The following SLC16A3 variants were observed in gnomAD, a reference collection of about 807,000 sequenced individuals.
The protein encoded by SLC16A3 is monocarboxylate transporter 4.
A neutral mutation model predicts 25.0 loss-of-function variants in SLC16A3; 22 were observed. The ratio of observed to expected loss-of-function variants is 0.88; its 90% CI spans 0.63 to 1.26. The LOEUF (loss-of-function observed/expected upper bound fraction) is 1.26. SLC16A3 is among the 50% of genes most tolerant of loss of function. The probability of loss-of-function intolerance (pLI) is 0.00; values close to 1 mark genes in which losing one functional copy is unlikely to be tolerated. For missense variants in SLC16A3, 731 were observed against 666.6 expected, an observed-to-expected ratio of 1.10 and a Z score of -1.06; for synonymous variants, 390 against 309.2, an observed-to-expected ratio of 1.26 and a Z score of -2.74.
At chr17:82,237,965 G>A (rs2050655577) in intron 4 of SLC16A3, 72 bp downstream of exon 4, 7 of 1,519,908 alleles carry the variant, frequency 4.6e-6, no homozygotes, top group Middle Eastern at 2.4e-4. Context: ...CGAGGGGGGG[G>A]ACGCGCACCC....
At chr17:82,231,331 G>A (rs1357109499) in intron 1 of SLC16A3, 1 of 152,114 alleles carries the variant, frequency 6.6e-6, no homozygotes, top group South Asian at 2.1e-4. Flanking sequence ...CGAGGGTGGA[G>A]TTTTGGGTTC....
In SLC16A3 at chr17:82,236,625, G is replaced by A. The variant is rs576367914; in HGVS notation, c.224-104G>A. 3 of 1,488,416 alleles carry A rather than the reference G, an allele frequency of 2.0e-6. No homozygotes were observed. In the East Asian group the frequency reaches 6.8e-5, roughly 34 times the overall value. 92.2% of individuals were successfully genotyped at this position (1,488,416 alleles called of 1,614,324 possible). A position where few individuals can be genotyped will look rare whatever the true frequency, so the allele number is the denominator to read the frequency against. On this transcript the variant is annotated intron_variant, in intron 2 of 4. Coordinates refer to ENST00000582743, the MANE Select transcript of SLC16A3 (RefSeq NM_004207.4). ...GCCCCTGGTGCCCCGCGGGGGGAGG[G>A]GTGGTGTGGGAAGGGGAGGCCGGCT...
Position 82,240,057 on chromosome 17 carries a change from G to C in SLC16A3, c.*1081G>C. The C allele has an allele frequency of 8.1e-7, 1 of 1,233,826 alleles. No homozygotes were observed. The highest frequency in any genetic ancestry group is 1.0e-6 in the Non-Finnish European group (1 of 987,904). 76.4% of individuals were successfully genotyped at this position (1,233,826 alleles called of 1,614,324 possible). On this transcript the variant is annotated 3_prime_UTR_variant, in exon 5 of 5. Transcript: ENST00000582743. Reference sequence around the variant, plus strand: ...GCAGCCGGAGAGATGCCATGTCCCTGCTCCTCTGCAATGAAAAGCAAGCGA... The same window carrying C: ...GCAGCCGGAGAGATGCCATGTCCCTCCTCCTCTGCAATGAAAAGCAAGCGA...
chr17:82,221,433 G>A (rs553732298), intron 1 of SLC16A3, among the ~76,000 whole-genome samples: 5 of 151,942 alleles, frequency 3.3e-5, no homozygotes, highest in African/African-American at 1.2e-4. Context: ...GTGTGGTGGT[G>A]GTGCTTGCCT....
chr17:82,232,918 C>CGGGT (rs1555787460), intron 1 of SLC16A3, among the ~76,000 whole-genome samples: 1 of 47,210 alleles, frequency 2.1e-5, no homozygotes, highest in Non-Finnish European at 4.7e-5. Flanking sequence ...TGGGGGGCGG[C>CGGGT]GGGGGGGGGG....
At position 82,239,005 on chromosome 17, in the gene SLC16A3, G is replaced by A. The variant is rs899206968; in HGVS notation, c.*29G>A. On this transcript the variant is annotated 3_prime_UTR_variant, in exon 5 of 5. Transcript: ENST00000582743. ...GCTGGGCGGGGCCGGCAGGCACAGG[G>A]AGGAGGTACAGAAGCCGGCAACGCT... 6.7e-7 allele frequency: 1 copy of A among 1,499,236 alleles called. No homozygotes were observed. The highest frequency in any genetic ancestry group is 2.2e-5 in the Admixed American group (1 of 45,054). The allele number at this position is 1,499,236 out of a possible 1,614,324, so 92.9% of individuals were successfully genotyped here.
rs1478926532 is a variant in SLC16A3 at position 82,237,442 on chromosome 17, G to A, written c.672G>A (p.Arg224=). ...GCCTGCTAGACCTGAGCGTCTTCCG[G>A]GACCGCGGCTTTGTGCTTTACGCCG... The part of the protein sequence containing the change: ...SRRLLDLSVF[R]DRGFVLYAVA... The change falls in exon 4 of 5, where the codon CGG becomes CGA. Residue 224 remains arginine (R), a synonymous_variant. Transcript: ENST00000582743. 4 of 1,594,754 alleles carry A rather than the reference G, an allele frequency of 2.5e-6. No individual in the cohort carries two copies. Among genetic ancestry groups the A allele is most frequent in the Non-Finnish European group, 3.4e-6 (4 of 1,172,482 alleles).
chr17:82,236,415 G>A (rs2050603166), intron 2 of SLC16A3, 184 bp downstream of exon 2: 5 of 658,286 alleles, frequency 7.6e-6, no homozygotes, highest in Non-Finnish European at 7.8e-6. Flanking sequence ...CCCAGGCAGG[G>A]CGCGAAGTCC....
intron 3 of SLC16A3, 31 bp from the exon 4 acceptor site, chr17:82,237,107 G>C (rs780188589): frequency 5.4e-6 from 8 of 1,485,882 alleles, no homozygotes; most frequent in Non-Finnish European, 7.2e-6. Flanking sequence ...GGCAGCCTTG[G>C]GGGGCTCTCA....
upstream of SLC16A3, among the ~76,000 whole-genome samples, chr17:82,226,833 C>A (rs2050425376): frequency 6.6e-6 from 1 of 152,270 alleles, no homozygotes; most frequent in Non-Finnish European, 1.5e-5. Context: ...TCTGTCCAGG[C>A]TCCGGGTGAG....
intron 2 of SLC16A3, 139 bp downstream of exon 2, chr17:82,236,370 C>T: frequency 1.2e-6 from 1 of 815,958 alleles, no homozygotes; most frequent in Non-Finnish European, 1.9e-6. Flanking sequence ...GGGCCAGGAT[C>T]CTGCTGGGCA....
intron 1 of SLC16A3, chr17:82,235,471 G>C: frequency 6.1e-6 from 1 of 163,998 alleles, no homozygotes; most frequent in South Asian, 1.5e-4. Flanking sequence ...TGGGCCCTTG[G>C]GGGCAGGAGA....
chr17:82,239,533 G>C lies in SLC16A3; in HGVS notation c.*557G>C, dbSNP rs183811963. On this transcript the variant is annotated 3_prime_UTR_variant, in exon 5 of 5. Coordinates refer to ENST00000582743, the MANE Select transcript of SLC16A3 (RefSeq NM_004207.4). Reference sequence around the variant, plus strand: ...TGCTGTGTGGCCTGTGTCCTGACTCGCACGTCTGCTGATGGCCTGGCTGTT... The same window carrying C: ...TGCTGTGTGGCCTGTGTCCTGACTCCCACGTCTGCTGATGGCCTGGCTGTT... The C allele has an allele frequency of 1.5e-4, 26 of 177,544 alleles. 1 individual carries two copies. Among genetic ancestry groups the C allele is most frequent in the African/African-American group, 5.2e-4 (22 of 42,580 alleles). 11.0% of individuals were successfully genotyped at this position (177,544 alleles called of 1,614,324 possible). A position where few individuals can be genotyped will look rare whatever the true frequency, so the allele number is the denominator to read the frequency against.
intron 4 of SLC16A3, 63 bp downstream of exon 4, chr17:82,237,956 G>A (rs893602609): frequency 5.2e-6 from 8 of 1,546,374 alleles, no homozygotes; most frequent in African/African-American, 1.4e-5. Flanking sequence ...CCCGCTTTGC[G>A]AGGGGGGGGA....
Position 82,239,512 on chromosome 17 carries a change from G to C in SLC16A3, c.*536G>C, listed in dbSNP as rs1267227869. On this transcript the variant is annotated 3_prime_UTR_variant, in exon 5 of 5. Coordinates refer to ENST00000582743, the MANE Select transcript of SLC16A3 (RefSeq NM_004207.4). The stretch of plus-strand genomic sequence containing the variant: ...TTTCCTAGGAGTATGTGGTTTTGCT[G>C]TGTGGCCTGTGTCCTGACTCGCACG... The C allele has an allele frequency of 1.2e-5, 2 of 172,420 alleles. No individual in the cohort carries two copies. The highest frequency in any genetic ancestry group is 4.7e-5 in the African/African-American group (2 of 42,288). 10.7% of individuals were successfully genotyped at this position (172,420 alleles called of 1,614,324 possible). A position where few individuals can be genotyped will look rare whatever the true frequency, so the allele number is the denominator to read the frequency against.
chr17:82,238,574 C>T (rs114465737), intron 4 of SLC16A3, 128 bp from the exon 5 acceptor site: 1 of 927,698 alleles, frequency 1.1e-6, no homozygotes, highest in South Asian at 2.1e-5. Flanking sequence ...CACCTCCCAG[C>T]CCCACAAGCT....
chr17:82,239,523 G>A lies in SLC16A3; in HGVS notation c.*547G>A, dbSNP rs9895071. 7.5e-3 allele frequency: 1,320 copies of A among 175,036 alleles called. 13 individuals carry two copies. Among genetic ancestry groups the A allele is most frequent in the African/African-American group, 0.03 (1,260 of 42,524 alleles). 10.8% of individuals were successfully genotyped at this position (175,036 alleles called of 1,614,324 possible). ...TATGTGGTTTTGCTGTGTGGCCTGT[G>A]TCCTGACTCGCACGTCTGCTGATGG... is the stretch of plus-strand genomic sequence containing the variant. On this transcript the variant is annotated 3_prime_UTR_variant, in exon 5 of 5. Transcript: ENST00000582743.
In SLC16A3 at chr17:82,237,515, G is replaced by C. The variant is rs766909690; in HGVS notation, c.745G>C (p.Val249Leu). 2 of 1,611,506 alleles carry C rather than the reference G, an allele frequency of 1.2e-6. No homozygotes were observed. The highest frequency in any genetic ancestry group is 8.5e-7 in the Non-Finnish European group (1 of 1,179,512). Reference sequence around the variant, plus strand: ...GGGGCTCTTCGTCCCGCCCGTGTTCGTGGTGAGCTACGCCAAGGACCTGGG... The same window carrying C: ...GGGGCTCTTCGTCCCGCCCGTGTTCCTGGTGAGCTACGCCAAGGACCTGGG... ...VLGLFVPPVFVVSYAKDLGVP... is the reference protein window; with the variant it reads ...VLGLFVPPVFLVSYAKDLGVP... Residue 249 changes from valine to leucine, a missense_variant, in exon 4 of 5, where the codon GTG (valine) becomes CTG (leucine). Transcript: ENST00000582743.
In SLC16A3 at chr17:82,239,804, C is replaced by T. The variant is rs2050714202; in HGVS notation, c.*828C>T. Reference sequence around the variant, plus strand: ...TGCCTTCCCTTTTTCGCCCCTCTGCCTGGCTGGCAGTGTGCGTGGTGTGGT... The same window carrying T: ...TGCCTTCCCTTTTTCGCCCCTCTGCTTGGCTGGCAGTGTGCGTGGTGTGGT... On this transcript the variant is annotated 3_prime_UTR_variant, in exon 5 of 5. Transcript: ENST00000582743. The T allele has an allele frequency of 2.5e-6, 1 of 402,952 alleles. No individual in the cohort carries two copies. The highest frequency in any genetic ancestry group is 2.0e-5 in the African/African-American group (1 of 48,822). The allele number at this position is 402,952 out of a possible 1,614,324, so 25.0% of individuals were successfully genotyped here. A position where few individuals can be genotyped will look rare whatever the true frequency, so the allele number is the denominator to read the frequency against.
Sources: gnomAD v4.1 joint callset for allele counts (sites outside exome capture counted in the v4.1 genomes callset) on GRCh38, gnomAD v4.1.1 for gene constraint, MANE v1.5 for transcripts, NCBI Gene and HGNC (gene_info 2026-07-23, HGNC 2026-07-21) for gene names.